The following NCKAP5 variants were observed in gnomAD, a reference collection of about 807,000 sequenced individuals.
The protein encoded by NCKAP5 is nck-associated protein 5.
In NCKAP5, 92 loss-of-function variants were observed where a neutral mutation model predicts 167.0. The ratio of observed to expected loss-of-function variants is 0.55; its 90% CI spans 0.47 to 0.66. The LOEUF (loss-of-function observed/expected upper bound fraction) is 0.66. Ranked by LOEUF, NCKAP5 falls within the 30% of genes least tolerant of loss-of-function variation. The pLI is 0.00. For synonymous variants in NCKAP5, 891 were observed against 877.4 expected (o/e 1.02, Z -0.27); for missense variants, 2,378 against 2,315.0 (o/e 1.03, Z -0.56).
In NCKAP5 at chr2:132,778,209, A is replaced by G. The variant is rs558555202; in HGVS notation, c.5049+2843T>C. Reference sequence around the variant, plus strand: ...TTATATAATTTAAATAAAAGTACCAAGTAACATGGCCCTTGTCTAAATTAC... The same window carrying G: ...TTATATAATTTAAATAAAAGTACCAGGTAACATGGCCCTTGTCTAAATTAC... On this transcript the variant is annotated intron_variant, in intron 15 of 19. Coordinates refer to ENST00000409261, the MANE Select transcript of NCKAP5 (RefSeq NM_207363.3). 2.0e-5 allele frequency among the ~76,000 whole-genome samples: 3 copies of G among 152,230 alleles called. No homozygotes were observed. In the South Asian group the frequency reaches 6.2e-4, roughly 32 times the overall value.
chr2:133,203,698 C>T (rs7572178), intron 5 of NCKAP5, among the ~76,000 whole-genome samples: 6 of 150,250 alleles, frequency 4.0e-5, no homozygotes, highest in South Asian at 2.1e-4. Flanking sequence ...ATCTAAGTGT[C>T]GGCAGTCCTG....
chr2:133,081,067 C>T (rs1419134147), intron 6 of NCKAP5, among the ~76,000 whole-genome samples: 2 of 152,084 alleles, frequency 1.3e-5, no homozygotes, highest in African/African-American at 4.8e-5. Flanking sequence ...CGGACTAGCA[C>T]ATCAGAAGCA....
At chr2:133,625,335 A>T in the NCKAP5 span, among the ~76,000 whole-genome samples, 2 of 152,214 alleles carry the variant, frequency 1.3e-5, no homozygotes, top group African/African-American at 4.8e-5. Context: ...AAATGAAGAA[A>T]GCCAAGAAAC....
At chr2:133,531,249 TTTA>T (rs1206942502) in intron 2 of NCKAP5, among the ~76,000 whole-genome samples, 17 of 151,410 alleles carry the variant, frequency 1.1e-4, no homozygotes, top group Admixed American at 6.6e-4. Flanking sequence ...TAATAACTTA[TTTA>T]TTAATAGTTA....
intron 6 of NCKAP5, among the ~76,000 whole-genome samples, chr2:133,073,418 T>A (rs576229695): frequency 6.6e-6 from 1 of 152,116 alleles, no homozygotes; most frequent in Non-Finnish European, 1.5e-5. Context: ...TGAAGCTGCA[T>A]AACAAGAGCT....
chr2:132,867,220 C>T (rs183111411), intron 10 of NCKAP5, among the ~76,000 whole-genome samples: 23 of 151,996 alleles, frequency 1.5e-4, no homozygotes, highest in African/African-American at 5.6e-4. Flanking sequence ...ACAAAAGCAG[C>T]CATGGGAAGT....
At chr2:133,470,767 C>A (rs544397350) in intron 3 of NCKAP5, among the ~76,000 whole-genome samples, 7 of 152,196 alleles carry the variant, frequency 4.6e-5, no homozygotes, top group Admixed American at 2.0e-4. Context: ...GGGAGTGACC[C>A]GATTTTCCAG....
At chr2:133,264,325 C>T (rs75160192) in intron 4 of NCKAP5, among the ~76,000 whole-genome samples, 80 of 152,316 alleles carry the variant, frequency 5.3e-4, no homozygotes, top group Admixed American at 1.5e-3. Context: ...TTTAAAATTC[C>T]TGCTGCTGGG....
chr2:133,130,328 G>T (rs1235766771), intron 5 of NCKAP5, among the ~76,000 whole-genome samples: 1 of 152,108 alleles, frequency 6.6e-6, no homozygotes, highest in Non-Finnish European at 1.5e-5. Flanking sequence ...TAAACCAGAA[G>T]GTAATAGATC....
intron 3 of NCKAP5, among the ~76,000 whole-genome samples, chr2:133,344,869 C>T (rs907968158): frequency 2.6e-5 from 4 of 151,844 alleles, no homozygotes; most frequent in Non-Finnish European, 5.9e-5. Context: ...TATTGACAGA[C>T]ATGTGGAGAT....
intron 4 of NCKAP5, among the ~76,000 whole-genome samples, chr2:133,261,841 A>C (rs2088922610): frequency 6.6e-6 from 1 of 152,236 alleles, no homozygotes; most frequent in Non-Finnish European, 1.5e-5. Flanking sequence ...GTTAGCTCTG[A>C]ACTAAAATGC....
chr2:132,816,260 T>C (rs1214398646), intron 11 of NCKAP5, among the ~76,000 whole-genome samples: 1 of 152,004 alleles, frequency 6.6e-6, no homozygotes, highest in Admixed American at 6.5e-5. Flanking sequence ...CACTGAAGAA[T>C]CACCCTTTCG....
At chr2:132,983,298 T>C (rs192624842) in intron 7 of NCKAP5, among the ~76,000 whole-genome samples, 1 of 152,330 alleles carries the variant, frequency 6.6e-6, no homozygotes, top group Non-Finnish European at 1.5e-5. Flanking sequence ...ATACCTTTTA[T>C]TTCTTTATCT....
intron 3 of NCKAP5, among the ~76,000 whole-genome samples, chr2:133,347,810 C>T (rs1684079764): frequency 6.6e-6 from 1 of 152,194 alleles, no homozygotes; most frequent in Non-Finnish European, 1.5e-5. Flanking sequence ...ACCTACAAGG[C>T]TGGGCCCACA....
chr2:133,473,771 G>A (rs1488964590), intron 3 of NCKAP5, among the ~76,000 whole-genome samples: 1 of 152,206 alleles, frequency 6.6e-6, no homozygotes, highest in Non-Finnish European at 1.5e-5. Context: ...ACTTCTGACT[G>A]AATAGCCTCA....
At chr2:132,886,832 A>G (rs1642478557) in intron 8 of NCKAP5, among the ~76,000 whole-genome samples, 1 of 152,206 alleles carries the variant, frequency 6.6e-6, no homozygotes, top group Admixed American at 6.5e-5. Flanking sequence ...AATGCTCCAA[A>G]ATCCAAAACT....
chr2:133,261,752 T>A (rs1169581559), intron 4 of NCKAP5, among the ~76,000 whole-genome samples: 4 of 152,212 alleles, frequency 2.6e-5, no homozygotes, highest in African/African-American at 7.2e-5. Flanking sequence ...AGAATAGGTA[T>A]CATCTTCCAT....
chr2:132,833,556 C>T (rs7558231), intron 11 of NCKAP5, among the ~76,000 whole-genome samples: 13,298 of 152,042 alleles, frequency 0.087, 908 homozygotes, highest in African/African-American at 0.19. Flanking sequence ...AGCGATGTGG[C>T]TTCAGCTTAA....
intron 11 of NCKAP5, among the ~76,000 whole-genome samples, chr2:132,800,838 T>C (rs1214532969): frequency 6.6e-6 from 1 of 152,184 alleles, no homozygotes; most frequent in South Asian, 2.1e-4. Context: ...TCTATCTTCC[T>C]AACAGGACAA....
Sources: allele counts gnomAD v4.1 joint callset (sites outside exome capture counted in the v4.1 genomes callset), GRCh38; gene constraint gnomAD v4.1.1; transcripts MANE v1.5; gene names NCBI Gene and HGNC (gene_info 2026-07-23, HGNC 2026-07-21).